LRRC4C: variants seen among roughly 807,000 people sequenced by gnomAD.
The protein encoded by LRRC4C is leucine rich repeat containing 4C.
LRRC4C carries 5 observed loss-of-function variants against 33.6 expected under a neutral mutation model. The observed-to-expected ratio is 0.15, with a 90% CI of 0.08 to 0.31. The LOEUF (loss-of-function observed/expected upper bound fraction) is 0.31, where lower values mean the gene tolerates loss of function less well. Ranked by LOEUF, LRRC4C falls within the 10% of genes least tolerant of loss-of-function variation. LRRC4C has a pLI of 1.00. For synonymous variants in LRRC4C, 329 were observed against 302.0 expected, an observed-to-expected ratio of 1.09 and a Z score of -0.93; for missense variants, 560 against 796.7, an observed-to-expected ratio of 0.70 and a Z score of 3.58.
intron 2 of LRRC4C, among the ~76,000 whole-genome samples, chr11:40,715,331 A>G (rs1030870124): frequency 1.3e-5 from 2 of 152,274 alleles, no homozygotes; most frequent in African/African-American, 4.8e-5. Context: ...TCAAATTCAT[A>G]AAGACAATAA....
At chr11:41,288,740 T>C (rs1215519472) in intron 1 of LRRC4C, among the ~76,000 whole-genome samples, 1 of 152,074 alleles carries the variant, frequency 6.6e-6, no homozygotes, top group Non-Finnish European at 1.5e-5. Flanking sequence ...GAAATTAAAG[T>C]GTGGGCTAGA....
chr11:40,847,785 T>G (rs1341975718), intron 2 of LRRC4C, among the ~76,000 whole-genome samples: 1 of 144,380 alleles, frequency 6.9e-6, no homozygotes, highest in African/African-American at 2.6e-5. Flanking sequence ...CCTGGGCTTT[T>G]TTTTTTTTTT....
chr11:40,861,062 A>G (rs1954072070), intron 2 of LRRC4C, among the ~76,000 whole-genome samples: 1 of 152,126 alleles, frequency 6.6e-6, no homozygotes, highest in Admixed American at 6.6e-5. Flanking sequence ...TTATGTTGGA[A>G]GTGAACACAA....
chr11:41,359,079 T>C (rs544319783), intron 1 of LRRC4C, among the ~76,000 whole-genome samples: 1 of 151,858 alleles, frequency 6.6e-6, no homozygotes, highest in South Asian at 2.1e-4. Flanking sequence ...TAAATGCATA[T>C]TACTAAGTGA....
intron 2 of LRRC4C, among the ~76,000 whole-genome samples, chr11:40,917,662 G>T (rs949081598): frequency 9.2e-5 from 14 of 152,146 alleles, no homozygotes; most frequent in Non-Finnish European, 1.3e-4. Context: ...AGTTAGTGAG[G>T]CTTACTCTTC....
chr11:41,439,645 C>A (rs961393412), intron 1 of LRRC4C, among the ~76,000 whole-genome samples: 2 of 152,010 alleles, frequency 1.3e-5, no homozygotes, highest in Admixed American at 1.3e-4. Flanking sequence ...TGATGTTGAG[C>A]ATTTTTTCAT....
intron 4 of LRRC4C, among the ~76,000 whole-genome samples, chr11:40,315,592 A>G (rs772092626): frequency 3.3e-5 from 5 of 151,982 alleles, no homozygotes; most frequent in African/African-American, 1.2e-4. Context: ...ATAGTGTTTC[A>G]TTATATCAAT....
chr11:40,715,307 A>C (rs1410107039), intron 2 of LRRC4C, among the ~76,000 whole-genome samples: 1 of 152,236 alleles, frequency 6.6e-6, no homozygotes, highest in Non-Finnish European at 1.5e-5. Flanking sequence ...AGTTTTCACT[A>C]GTAATCAGGA....
intron 1 of LRRC4C, among the ~76,000 whole-genome samples, chr11:41,407,144 G>A (rs1046294456): frequency 5.9e-5 from 9 of 152,156 alleles, no homozygotes; most frequent in Admixed American, 2.0e-4. Context: ...TATGGACCAC[G>A]AAAAAACTGG....
At chr11:41,300,481 A>G (rs999100210) in intron 1 of LRRC4C, among the ~76,000 whole-genome samples, 2 of 152,132 alleles carry the variant, frequency 1.3e-5, no homozygotes, top group Non-Finnish European at 2.9e-5. Context: ...TTTCTCACAG[A>G]TTCTACCACA....
At chr11:40,139,794 A>T (rs1590491823) in intron 6 of LRRC4C, among the ~76,000 whole-genome samples, 2 of 152,232 alleles carry the variant, frequency 1.3e-5, no homozygotes, top group South Asian at 4.1e-4. Flanking sequence ...ATAAAAACAA[A>T]GAAAATAGCT....
At chr11:41,036,180 T>G (rs1857053834) in intron 1 of LRRC4C, among the ~76,000 whole-genome samples, 1 of 152,154 alleles carries the variant, frequency 6.6e-6, no homozygotes. Flanking sequence ...ATAAACTCTT[T>G]GGTAATTATT....
At chr11:40,864,613 C>A (rs1261161076) in intron 2 of LRRC4C, among the ~76,000 whole-genome samples, 1 of 152,192 alleles carries the variant, frequency 6.6e-6, no homozygotes, top group Non-Finnish European at 1.5e-5. Context: ...CCATGGCTCA[C>A]CTGCTCTTAT....
intron 2 of LRRC4C, among the ~76,000 whole-genome samples, chr11:40,687,265 A>G (rs532905689): frequency 6.6e-6 from 1 of 152,214 alleles, no homozygotes; most frequent in South Asian, 2.1e-4. Flanking sequence ...CCATTATGCC[A>G]TGTTACCTTC....
rs1250926889 is a variant in LRRC4C at position 40,554,335 on chromosome 11, T to C, written c.-270+93807A>G. Among the ~76,000 whole-genome samples the C allele has an allele frequency of 3.3e-5, 5 of 152,218 alleles. No homozygotes were observed. In the East Asian group the frequency reaches 7.7e-4, roughly 23 times the overall value. On this transcript the variant is annotated intron_variant, in intron 3 of 6. Coordinates refer to ENST00000528697, the MANE Select transcript of LRRC4C (RefSeq NM_001258419.2). ...GTACCTGTACCATACTGTTTTAGAA[T>C]GTATGCTAAAAGTGTAGCATGCTGT...
At chr11:40,391,102 G>A (rs1182589654) in intron 3 of LRRC4C, among the ~76,000 whole-genome samples, 1 of 152,004 alleles carries the variant, frequency 6.6e-6, no homozygotes, top group Non-Finnish European at 1.5e-5. Flanking sequence ...GGCTGGTCTT[G>A]AACTCCTGAC....
chr11:40,488,248 C>A (rs1338045027), intron 3 of LRRC4C, among the ~76,000 whole-genome samples: 1 of 151,944 alleles, frequency 6.6e-6, no homozygotes, highest in Non-Finnish European at 1.5e-5. Flanking sequence ...TCAAACCATT[C>A]GAAATCAAAA....
chr11:41,024,733 T>C (rs528044681), intron 1 of LRRC4C, among the ~76,000 whole-genome samples: 11 of 151,826 alleles, frequency 7.2e-5, no homozygotes, highest in African/African-American at 2.7e-4. Context: ...AAATAAATGA[T>C]TACAGACATA....
intron 1 of LRRC4C, among the ~76,000 whole-genome samples, chr11:41,455,311 C>T (rs941817402): frequency 2.0e-5 from 3 of 151,994 alleles, no homozygotes; most frequent in African/African-American, 7.2e-5. Context: ...ATGTCCAAGT[C>T]TGGGGAAGTC....
Sources: gnomAD v4.1 joint callset for allele counts (sites outside exome capture counted in the v4.1 genomes callset) on GRCh38, gnomAD v4.1.1 for gene constraint, MANE v1.5 for transcripts, NCBI Gene and HGNC (gene_info 2026-07-23, HGNC 2026-07-21) for gene names.